The following ZDHHC11B variants were observed in gnomAD, a reference collection of about 807,000 sequenced individuals.
ZDHHC11B encodes probable palmitoyltransferase ZDHHC11B.
Under a neutral mutation model 42.3 loss-of-function variants are expected in ZDHHC11B, and 17 were observed. The ratio of observed to expected loss-of-function variants is 0.40; its 90% CI spans 0.27 to 0.60. ZDHHC11B has a LOEUF of 0.60. Ranked by LOEUF, ZDHHC11B falls within the 20% of genes least tolerant of loss-of-function variation. The pLI is 0.41. For synonymous variants in ZDHHC11B, 123 were observed against 193.5 expected (o/e 0.64, Z 3.02); for missense variants, 262 against 463.2 (o/e 0.57, Z 3.99).
chr5:735,650 G>C (rs1743430013), intron 10 of ZDHHC11B, among the ~76,000 whole-genome samples: 1 of 140,782 alleles, frequency 7.1e-6, no homozygotes, highest in Non-Finnish European at 1.5e-5. Context: ...GAAGGGATTG[G>C]GGTCCTATCT....
chr5:743,320 A>G (rs1304276451), intron 9 of ZDHHC11B, among the ~76,000 whole-genome samples: 3 of 149,370 alleles, frequency 2.0e-5, no homozygotes, highest in Non-Finnish European at 4.4e-5. Flanking sequence ...TTATAGTAAC[A>G]TTTAAAGTCT....
At chr5:759,638 G>A (rs1734325755) in intron 4 of ZDHHC11B, among the ~76,000 whole-genome samples, 1 of 151,966 alleles carries the variant, frequency 6.6e-6, no homozygotes. Context: ...GGGCACGCGG[G>A]CACTGAGGCA....
At chr5:750,947 GC>G (rs1561154864) in intron 7 of ZDHHC11B, among the ~76,000 whole-genome samples, 185 bp downstream of exon 7, 1 of 112,816 alleles carries the variant, frequency 8.9e-6, no homozygotes, top group East Asian at 3.7e-4. Flanking sequence ...CCTCCCGCGC[GC>G]TGGGGGCTGC....
At chr5:766,302 C>T (rs1480439957) in intron 4 of ZDHHC11B, among the ~76,000 whole-genome samples, 89 of 69,536 alleles carry the variant, frequency 1.3e-3, no homozygotes, top group African/African-American at 4.8e-3. Flanking sequence ...AGACCCGGGA[C>T]CCCTGCCGCT....
chr5:758,323 G>C (rs1227036182), intron 4 of ZDHHC11B, among the ~76,000 whole-genome samples: 1 of 151,926 alleles, frequency 6.6e-6, no homozygotes, highest in Non-Finnish European at 1.5e-5. Flanking sequence ...CAGGGCCTCT[G>C]CACGAGCAGC....
chr5:756,319 C>T (rs112027362), intron 4 of ZDHHC11B, among the ~76,000 whole-genome samples, 175 bp from the exon 5 acceptor site: 1 of 151,620 alleles, frequency 6.6e-6, no homozygotes, highest in East Asian at 1.9e-4. Context: ...CCTGCTTGTC[C>T]AGTCTTGCAC....
chr5:776,053 G>A (rs1384693684), intron 1 of ZDHHC11B, among the ~76,000 whole-genome samples: 1 of 149,780 alleles, frequency 6.7e-6, no homozygotes, highest in Non-Finnish European at 1.5e-5. Flanking sequence ...ACTGCCGCTG[G>A]GCTCTTCAGA....
chr5:773,643 G>T (rs1447413284), intron 1 of ZDHHC11B, among the ~76,000 whole-genome samples: 1 of 151,858 alleles, frequency 6.6e-6, no homozygotes. Flanking sequence ...TCCCTGGTAG[G>T]AGGGACGTGC....
At chr5:744,354 C>G (rs1579314089) in intron 9 of ZDHHC11B, among the ~76,000 whole-genome samples, 1 of 149,544 alleles carries the variant, frequency 6.7e-6, no homozygotes, top group African/African-American at 2.5e-5. Context: ...TCTCTGTTTT[C>G]TGAAAGAGTC....
At chr5:737,374 C>T (rs1284770361) in intron 10 of ZDHHC11B, among the ~76,000 whole-genome samples, 12 of 149,366 alleles carry the variant, frequency 8.0e-5, no homozygotes, top group African/African-American at 3.0e-4. Flanking sequence ...TTCTACCAGG[C>T]ATCCAAAGAA....
At chr5:769,001 G>C in intron 1 of ZDHHC11B, 71 bp from the exon 2 acceptor site, 1 of 633,188 alleles carries the variant, frequency 1.6e-6, no homozygotes, top group South Asian at 1.8e-5. Context: ...GCAGTGCCAT[G>C]AGCCCTTTCT....
intron 12 of ZDHHC11B, among the ~76,000 whole-genome samples, chr5:722,747 C>T (rs1742283361): frequency 6.6e-6 from 1 of 151,450 alleles, no homozygotes; most frequent in East Asian, 1.9e-4. Context: ...AAGCCATCTC[C>T]ATGCCCAACC....
intron 12 of ZDHHC11B, among the ~76,000 whole-genome samples, chr5:727,894 CTT>C (rs1742711945): frequency 6.6e-6 from 1 of 151,696 alleles, no homozygotes; most frequent in South Asian, 2.1e-4. Context: ...GTAAGAAAGA[CTT>C]TTTAAAGCAA....
At chr5:761,260 C>T (rs368286353) in intron 4 of ZDHHC11B, among the ~76,000 whole-genome samples, 10 of 151,936 alleles carry the variant, frequency 6.6e-5, no homozygotes, top group Middle Eastern at 3.4e-3. Flanking sequence ...GGAGGTGGGC[C>T]GTGCAGCACA....
At chr5:729,377 G>A (rs1742836038) in intron 12 of ZDHHC11B, among the ~76,000 whole-genome samples, 1 of 151,322 alleles carries the variant, frequency 6.6e-6, no homozygotes, top group East Asian at 1.9e-4. Context: ...GCTGCTGTGT[G>A]CCCAGAGAGC....
rs187492038 is a variant in ZDHHC11B, at chr5:753,076, G to A, written c.504-1819C>T. Reference sequence around the variant, plus strand: ...TGCCTGTGTTTAACCTGCAGAGTCCGAGGCCAGCGCTCGCAGTCTTCCCAG... The same window carrying A: ...TGCCTGTGTTTAACCTGCAGAGTCCAAGGCCAGCGCTCGCAGTCTTCCCAG... On this transcript the variant is annotated intron_variant, in intron 6 of 13. Coordinates refer to ENST00000508859, the MANE Select transcript of ZDHHC11B (RefSeq NM_001351303.2). Among the ~76,000 whole-genome samples the A allele has an allele frequency of 2.0e-4, 26 of 128,288 alleles. 8 individuals carry two copies. The highest frequency in any genetic ancestry group is 1.2e-3 in the Admixed American group (13 of 11,158). The allele number at this position is 128,288 out of a possible 152,430, so 84.2% of individuals were successfully genotyped here. A position where few individuals can be genotyped will look rare whatever the true frequency, so the allele number is the denominator to read the frequency against.
chr5:720,112 A>G (rs557429930), intron 12 of ZDHHC11B, among the ~76,000 whole-genome samples: 1 of 151,952 alleles, frequency 6.6e-6, no homozygotes, highest in South Asian at 2.1e-4. Flanking sequence ...ATTTAAAGAA[A>G]TAATGGCTGA....
chr5:720,139 A>T (rs1371473764), intron 12 of ZDHHC11B, among the ~76,000 whole-genome samples: 2 of 151,700 alleles, frequency 1.3e-5, no homozygotes, highest in Non-Finnish European at 2.9e-5. Context: ...TCCAAATCTA[A>T]TTAAAGGAAT....
chr5:724,675 A>G (rs1742438390), intron 12 of ZDHHC11B, among the ~76,000 whole-genome samples: 1 of 150,170 alleles, frequency 6.7e-6, no homozygotes, highest in African/African-American at 2.5e-5. Flanking sequence ...ACACACACAC[A>G]CACACACACA....
Sources: gnomAD v4.1 joint callset for allele counts (sites outside exome capture counted in the v4.1 genomes callset) on GRCh38, gnomAD v4.1.1 for gene constraint, MANE v1.5 for transcripts, NCBI Gene and HGNC (gene_info 2026-07-23, HGNC 2026-07-21) for gene names.